The following RBFOX1 variants were observed in gnomAD, a reference collection of about 807,000 sequenced individuals.
RBFOX1 encodes the protein RNA binding protein fox-1 homolog 1.
A neutral mutation model predicts 57.7 loss-of-function variants in RBFOX1; 8 were observed. That is an observed-to-expected ratio of 0.14 (90% CI 0.08 to 0.25). The LOEUF is 0.25. Among genes scored for constraint, RBFOX1 ranks in the 10% least tolerant of loss-of-function variants. The pLI is 1.00. For synonymous variants in RBFOX1, 326 were observed against 222.4 expected (o/e 1.47, Z -4.15); for missense variants, 611 against 548.5 (o/e 1.11, Z -1.14).
intron 1 of RBFOX1, among the ~76,000 whole-genome samples, chr16:5,422,997 G>A (rs1329373400): frequency 8.5e-6 from 1 of 118,250 alleles, no homozygotes; most frequent in Non-Finnish European, 1.8e-5. Flanking sequence ...GAGGGAGGAG[G>A]GGAGGAAGGA....
chr16:7,651,563 C>T (rs765607382), intron 11 of RBFOX1, among the ~76,000 whole-genome samples: 25 of 152,184 alleles, frequency 1.6e-4, no homozygotes, highest in Non-Finnish European at 3.1e-4. Flanking sequence ...GTGGAAAGGA[C>T]TCTGAATAAT....
intron 3 of RBFOX1, among the ~76,000 whole-genome samples, chr16:6,673,084 G>A (rs953968022): frequency 1.3e-5 from 2 of 152,202 alleles, no homozygotes; most frequent in Admixed American, 1.3e-4. Flanking sequence ...TTGGAATAGA[G>A]ATTGGTCACG....
chr16:6,667,141 A>C (rs8051188), intron 3 of RBFOX1, among the ~76,000 whole-genome samples: 2 of 151,948 alleles, frequency 1.3e-5, no homozygotes, highest in African/African-American at 2.4e-5. Context: ...AGGTAAAAAG[A>C]CGCAGAGCTT....
chr16:5,911,349 G>T (rs111381313), intron 4 of RBFOX1, among the ~76,000 whole-genome samples: 1 of 152,186 alleles, frequency 6.6e-6, no homozygotes, highest in African/African-American at 2.4e-5. Context: ...AAGCTCTGAA[G>T]TTCCTGTTCC....
At chr16:6,483,723 T>G in intron 2 of RBFOX1, 3 of 1,412,222 alleles carry the variant, frequency 2.1e-6, no homozygotes, top group Non-Finnish European at 1.8e-6. Context: ...GTGTGCAAAT[T>G]GACATTTTTG....
At chr16:5,358,943 C>T (rs551993159) in intron 1 of RBFOX1, among the ~76,000 whole-genome samples, 2 of 152,318 alleles carry the variant, frequency 1.3e-5, no homozygotes, top group African/African-American at 4.8e-5. Flanking sequence ...TATTCCTCCC[C>T]ACCTCTCCCT....
chr16:7,234,616 A>ATG (rs1297053741), intron 4 of RBFOX1, among the ~76,000 whole-genome samples: 1 of 150,042 alleles, frequency 6.7e-6, no homozygotes, highest in African/African-American at 2.5e-5. Context: ...GTGTATATAT[A>ATG]TGTTTGTATG....
chr16:7,096,705 G>A (rs571063049), intron 4 of RBFOX1, among the ~76,000 whole-genome samples: 46 of 152,160 alleles, frequency 3.0e-4, no homozygotes, highest in Middle Eastern at 6.8e-3. Context: ...GCTGACGCAG[G>A]TATATCACCT....
At chr16:6,787,692 G>C (rs564111909) in intron 3 of RBFOX1, among the ~76,000 whole-genome samples, 1 of 152,140 alleles carries the variant, frequency 6.6e-6, no homozygotes, top group African/African-American at 2.4e-5. Flanking sequence ...ATTCATGATC[G>C]TAGCATTCCA....
chr16:5,502,500 C>G (rs1018442494), intron 2 of RBFOX1, among the ~76,000 whole-genome samples: 12 of 152,172 alleles, frequency 7.9e-5, no homozygotes, highest in African/African-American at 2.9e-4. Flanking sequence ...CCCTGCTCTG[C>G]TTCTCTGGGT....
intron 4 of RBFOX1, among the ~76,000 whole-genome samples, chr16:7,139,550 C>G (rs1046361617): frequency 4.6e-5 from 7 of 152,118 alleles, no homozygotes; most frequent in East Asian, 1.9e-4. Context: ...GGCATATTAT[C>G]TGTGCTGGAT....
At chr16:6,609,075 C>G (rs891647503) in intron 2 of RBFOX1, among the ~76,000 whole-genome samples, 14 of 152,184 alleles carry the variant, frequency 9.2e-5, no homozygotes, top group African/African-American at 2.9e-4. Context: ...TGGAGCCCAT[C>G]TTGATGATCC....
At chr16:7,177,052 C>T (rs755016631) in intron 4 of RBFOX1, among the ~76,000 whole-genome samples, 22 of 152,150 alleles carry the variant, frequency 1.4e-4, no homozygotes, top group Non-Finnish European at 2.5e-4. Context: ...CCCCAGGTTG[C>T]AAATAAATTC....
chr16:6,565,715 G>A (rs1227322934), intron 2 of RBFOX1, among the ~76,000 whole-genome samples: 1 of 152,158 alleles, frequency 6.6e-6, no homozygotes, highest in Non-Finnish European at 1.5e-5. Context: ...TGATCCGCCC[G>A]CTTTGGCTTT....
At chr16:7,203,281 GC>G (rs2152735665) in intron 4 of RBFOX1, among the ~76,000 whole-genome samples, 1 of 152,266 alleles carries the variant, frequency 6.6e-6, no homozygotes, top group African/African-American at 2.4e-5. Flanking sequence ...AGTAAAATAA[GC>G]CAGTCACAAA....
chr16:6,320,594 A>G (rs1038350279), intron 2 of RBFOX1, among the ~76,000 whole-genome samples: 1 of 152,176 alleles, frequency 6.6e-6, no homozygotes, highest in African/African-American at 2.4e-5. Context: ...CAATCAAGCT[A>G]CTTAACATAC....
chr16:7,473,954 A>G (rs1295365346), intron 4 of RBFOX1, among the ~76,000 whole-genome samples: 2 of 152,106 alleles, frequency 1.3e-5, no homozygotes, highest in African/African-American at 2.4e-5. Flanking sequence ...CTGGCAAGCA[A>G]TCGAGACGTT....
At chr16:7,529,439 G>A (rs1483034828) in intron 5 of RBFOX1, among the ~76,000 whole-genome samples, 1 of 152,150 alleles carries the variant, frequency 6.6e-6, no homozygotes, top group African/African-American at 2.4e-5. Flanking sequence ...CCCTTTGGTG[G>A]GGACCCTGTA....
At chr16:7,328,895 C>T (rs1483201776) in intron 4 of RBFOX1, 5 of 152,276 alleles carry the variant, frequency 3.3e-5, no homozygotes, top group South Asian at 4.1e-4. Context: ...TGAGCCCAAC[C>T]TGGACCATTG....
Sources: gnomAD v4.1 joint callset for allele counts (sites outside exome capture counted in the v4.1 genomes callset) on GRCh38, gnomAD v4.1.1 for gene constraint, MANE v1.5 for transcripts, NCBI Gene and HGNC (gene_info 2026-07-23, HGNC 2026-07-21) for gene names.